EDDM13: variants seen among roughly 807,000 people sequenced by gnomAD.
The protein encoded by EDDM13 is epididymal protein 13.
EDDM13 carries 24 observed loss-of-function variants against 17.8 expected under a neutral mutation model. The ratio of observed to expected loss-of-function variants is 1.35; its 90% CI spans 0.98 to 1.90. EDDM13 has a LOEUF of 1.90. EDDM13 is among the 40% of genes most tolerant of loss of function. EDDM13 has a pLI of 0.00. For missense variants in EDDM13, 97 were observed against 100.8 expected, an observed-to-expected ratio of 0.96 and a Z score of 0.16; for synonymous variants, 31 against 37.5, an observed-to-expected ratio of 0.83 and a Z score of 0.63.
chr19:56,283,769 G>A (rs8104291), intron 4 of EDDM13: 60,254 of 152,004 alleles, frequency 0.4, 13,853 homozygotes, highest in Non-Finnish European at 0.51. Flanking sequence ...AGGTTCACCC[G>A]TCCTCACCAG....
chr19:56,273,085 C>T (rs529361098), intron 1 of EDDM13, among the ~76,000 whole-genome samples, 166 bp downstream of exon 1: 1 of 152,298 alleles, frequency 6.6e-6, no homozygotes, highest in South Asian at 2.1e-4. Flanking sequence ...GTGAATGAGT[C>T]TAGGTTGCTA....
intron 12 of EDDM13, chr19:56,299,701 C>T (rs1398691150): frequency 6.6e-6 from 1 of 152,192 alleles, no homozygotes; most frequent in African/African-American, 2.4e-5. Context: ...CTCTAGATTA[C>T]TTATAATACA....
chr19:56,301,028 T>G (rs1314210601), intron 12 of EDDM13, among the ~76,000 whole-genome samples: 1 of 152,096 alleles, frequency 6.6e-6, no homozygotes, highest in Non-Finnish European at 1.5e-5. Flanking sequence ...GAGCAGAGCC[T>G]GAAGCCTGGG....
chr19:56,281,864 T>C (rs2038734794), intron 3 of EDDM13, among the ~76,000 whole-genome samples, 166 bp downstream of exon 3: 2 of 152,176 alleles, frequency 1.3e-5, no homozygotes, highest in African/African-American at 4.8e-5. Flanking sequence ...AATCTGCAGA[T>C]TGCCCGGGGT....
intron 14 of EDDM13, among the ~76,000 whole-genome samples, chr19:56,307,311 C>G (rs567525852): frequency 6.6e-6 from 1 of 152,196 alleles, no homozygotes; most frequent in Non-Finnish European, 1.5e-5. Flanking sequence ...ACCCCCACCC[C>G]CTGCTGCAGT....
At chr19:56,293,852 C>A (rs2039684162) in intron 9 of EDDM13, among the ~76,000 whole-genome samples, 1 of 151,710 alleles carries the variant, frequency 6.6e-6, no homozygotes, top group African/African-American at 2.4e-5. Context: ...CCCACCCCCA[C>A]AACAAAAAAA....
At chr19:56,284,155 A>T (rs1600181165) in intron 4 of EDDM13, 43 bp from the exon 5 acceptor site, 1 of 985,312 alleles carries the variant, frequency 1.0e-6, no homozygotes, top group African/African-American at 1.7e-5. Context: ...CACGCATGTA[A>T]CCTTGGCCAC....
At chr19:56,309,973 G>A (rs2147358887) in intron 14 of EDDM13, among the ~76,000 whole-genome samples, 151 bp from the exon 15 acceptor site, 1 of 152,286 alleles carries the variant, frequency 6.6e-6, no homozygotes, top group Middle Eastern at 3.4e-3. Flanking sequence ...TAGTGAGTGG[G>A]GAGAATGGGC....
At chr19:56,303,340 T>C (rs2040471200) in intron 13 of EDDM13, among the ~76,000 whole-genome samples, 1 of 151,958 alleles carries the variant, frequency 6.6e-6, no homozygotes, top group East Asian at 1.9e-4. Context: ...TAGCCGGGCA[T>C]GGTGGCGCAT....
At chr19:56,279,988 C>T (rs1349364857) in intron 2 of EDDM13, among the ~76,000 whole-genome samples, 1 of 151,950 alleles carries the variant, frequency 6.6e-6, no homozygotes, top group Non-Finnish European at 1.5e-5. Context: ...TTCCAGGGTT[C>T]AGAATTAAAG....
chr19:56,283,316 T>G (rs2038853785), intron 4 of EDDM13: 1 of 152,182 alleles, frequency 6.6e-6, no homozygotes, highest in Admixed American at 6.5e-5. Context: ...AAATGTTACC[T>G]TGAGCCAGGA....
chr19:56,302,650 C>T (rs2040414287), intron 13 of EDDM13, among the ~76,000 whole-genome samples: 1 of 128,616 alleles, frequency 7.8e-6, no homozygotes, highest in Admixed American at 8.0e-5. Context: ...CCTTTTCTTC[C>T]CCCCCTCCCT....
intron 14 of EDDM13, among the ~76,000 whole-genome samples, chr19:56,309,648 T>C (rs1344579356): frequency 6.6e-6 from 1 of 152,198 alleles, no homozygotes; most frequent in Non-Finnish European, 1.5e-5. Flanking sequence ...TAAGGTTCTC[T>C]TCCTGCAACT....
chr19:56,285,070 C>T (rs1182266772), intron 6 of EDDM13, 46 bp downstream of exon 6: 10 of 961,404 alleles, frequency 1.0e-5, no homozygotes, highest in African/African-American at 8.8e-5. Flanking sequence ...TTCTCTTGTC[C>T]GCAAGGTAAT....
At chr19:56,273,139 T>C (rs909488506) in intron 1 of EDDM13, among the ~76,000 whole-genome samples, 3 of 152,222 alleles carry the variant, frequency 2.0e-5, no homozygotes, top group African/African-American at 7.2e-5. Flanking sequence ...TCCTGGTTTC[T>C]ATCACTGATT....
chr19:56,294,275 CG>C (rs1470756995), intron 9 of EDDM13, among the ~76,000 whole-genome samples: 2 of 152,224 alleles, frequency 1.3e-5, no homozygotes, highest in Non-Finnish European at 2.9e-5. Flanking sequence ...CTCTTTCTCC[CG>C]GACCCTCACA....
rs556744380 is a variant in EDDM13, at chr19:56,304,470, G to A, written c.424-323G>A. Reference sequence around the variant, plus strand: ...AGGGAGGCCACTCAACCTGCCATACGGCCCAGGACAACACGCCACGACAAA... The same window carrying A: ...AGGGAGGCCACTCAACCTGCCATACAGCCCAGGACAACACGCCACGACAAA... On this transcript the variant is annotated intron_variant, in intron 13 of 14. Coordinates refer to ENST00000649256, the MANE Select transcript of EDDM13 (RefSeq NM_001354658.2). 4.5e-4 allele frequency among the ~76,000 whole-genome samples: 68 copies of A among 152,266 alleles called. 1 individual carries two copies. The highest frequency in any genetic ancestry group is 3.7e-3 in the Admixed American group (57 of 15,304).
chr19:56,279,928 A>G (rs1457345952), intron 2 of EDDM13, among the ~76,000 whole-genome samples: 1 of 151,998 alleles, frequency 6.6e-6, no homozygotes, highest in Non-Finnish European at 1.5e-5. Context: ...TTAAATTACT[A>G]ATTAATTATT....
At chr19:56,278,354 G>A (rs2038424402) in intron 2 of EDDM13, among the ~76,000 whole-genome samples, 1 of 152,124 alleles carries the variant, frequency 6.6e-6, no homozygotes, top group South Asian at 2.1e-4. Context: ...GGCTGGTTTT[G>A]AACTCCTGAC....
Sources: gnomAD v4.1 joint callset for allele counts (sites outside exome capture counted in the v4.1 genomes callset) on GRCh38, gnomAD v4.1.1 for gene constraint, MANE v1.5 for transcripts, NCBI Gene and HGNC (gene_info 2026-07-23, HGNC 2026-07-21) for gene names.